The following WNT3 variants were observed in gnomAD, a reference collection of about 807,000 sequenced individuals.
The protein encoded by WNT3 is proto-oncogene Wnt-3.
WNT3 carries 7 observed loss-of-function variants against 34.2 expected under a neutral mutation model. The ratio of observed to expected loss-of-function variants is 0.20; its 90% CI spans 0.12 to 0.38. The LOEUF (loss-of-function observed/expected upper bound fraction) is 0.38, where lower values mean the gene tolerates loss of function less well. Ranked by LOEUF, WNT3 falls within the 10% of genes least tolerant of loss-of-function variation. The pLI, the probability that WNT3 is intolerant of heterozygous loss-of-function variation, is 1.00. For missense variants in WNT3, 267 were observed against 499.8 expected (o/e 0.53, Z 4.44); for synonymous variants, 212 against 211.5 (o/e 1.00, Z -0.02).
chr17:46,778,685 G>A (rs575903432), intron 1 of WNT3, among the ~76,000 whole-genome samples: 6 of 152,332 alleles, frequency 3.9e-5, no homozygotes, highest in African/African-American at 1.2e-4. Flanking sequence ...GTGCCAAAGT[G>A]TGCGTGGCTT....
At chr17:46,800,505 C>T (rs1032420721) in intron 1 of WNT3, among the ~76,000 whole-genome samples, 1 of 129,980 alleles carries the variant, frequency 7.7e-6, no homozygotes, top group Non-Finnish European at 1.8e-5. Context: ...AATCCCTGCC[C>T]TCAGGGGCTG....
intron 1 of WNT3, among the ~76,000 whole-genome samples, chr17:46,795,150 G>T (rs571255604): frequency 6.6e-6 from 1 of 151,976 alleles, no homozygotes; most frequent in Non-Finnish European, 1.5e-5. Context: ...TCCCACCCTC[G>T]GGTGCTGAGG....
At chr17:46,779,053 T>TCACACACACACACACA (rs56965619) in intron 1 of WNT3, among the ~76,000 whole-genome samples, 4,385 of 100,426 alleles carry the variant, frequency 0.044, 217 homozygotes, top group Non-Finnish European at 0.05. Flanking sequence ...CCCTACCCCA[T>TCACACACACACACACA]CACACACACA....
intron 1 of WNT3, among the ~76,000 whole-genome samples, chr17:46,812,551 G>A (rs2084290699): frequency 6.6e-6 from 1 of 152,180 alleles, no homozygotes; most frequent in Admixed American, 6.5e-5. Flanking sequence ...CCCAGCAAGA[G>A]TCTGGCAGAC....
At chr17:46,790,565 C>G (rs1016270029) in intron 1 of WNT3, among the ~76,000 whole-genome samples, 1 of 152,136 alleles carries the variant, frequency 6.6e-6, no homozygotes, top group East Asian at 1.9e-4. Flanking sequence ...CTGCCCTCCC[C>G]CTGGGCCCCA....
chr17:46,817,746 C>T (rs1029802326), intron 1 of WNT3, among the ~76,000 whole-genome samples: 10 of 152,062 alleles, frequency 6.6e-5, no homozygotes, highest in African/African-American at 2.2e-4. Flanking sequence ...CCTCGGTCCT[C>T]GGTTTTCCAA....
intron 1 of WNT3, among the ~76,000 whole-genome samples, chr17:46,782,065 G>A (rs1679188033): frequency 6.6e-6 from 1 of 152,188 alleles, no homozygotes; most frequent in African/African-American, 2.4e-5. Context: ...GTGGACCCAG[G>A]GGCTGCGGCC....
intron 1 of WNT3, among the ~76,000 whole-genome samples, chr17:46,795,333 G>A (rs1014809860): frequency 1.5e-4 from 23 of 152,172 alleles, no homozygotes; most frequent in African/African-American, 5.3e-4. Context: ...CAAGAATAAA[G>A]CCCTAGGCAG....
intron 1 of WNT3, among the ~76,000 whole-genome samples, chr17:46,804,475 G>A (rs1343470268): frequency 1.3e-5 from 2 of 152,062 alleles, no homozygotes; most frequent in Admixed American, 6.5e-5. Context: ...CCTGCCCTAT[G>A]GGGAAGGGAA....
intron 1 of WNT3, among the ~76,000 whole-genome samples, chr17:46,804,799 A>C (rs920718708): frequency 6.6e-6 from 1 of 152,206 alleles, no homozygotes; most frequent in Non-Finnish European, 1.5e-5. Flanking sequence ...GAATGCACCA[A>C]TCAGTGCTCT....
At chr17:46,771,542 G>A (rs2059369873) in intron 2 of WNT3, among the ~76,000 whole-genome samples, 1 of 148,848 alleles carries the variant, frequency 6.7e-6, no homozygotes, top group African/African-American at 2.4e-5. Flanking sequence ...GGCGCTGACA[G>A]CCCCGCTGTG....
chr17:46,767,550 C>A (rs1351015541), intron 4 of WNT3, among the ~76,000 whole-genome samples: 2 of 152,132 alleles, frequency 1.3e-5, no homozygotes, highest in African/African-American at 4.8e-5. Flanking sequence ...ACCACCATCA[C>A]CACTTTATAG....
At chr17:46,788,952 A>G (rs1268146408) in intron 1 of WNT3, among the ~76,000 whole-genome samples, 1 of 152,144 alleles carries the variant, frequency 6.6e-6, no homozygotes, top group Non-Finnish European at 1.5e-5. Context: ...TGAATCTTAG[A>G]AGCAGCCCAG....
rs1271201049 is a variant in WNT3, at chr17:46,769,830, C to G, written c.541G>C (p.Asp181His). The change falls in exon 3 of 5, where the codon GAC becomes CAC. Residue 181 changes from aspartate (D) to histidine (H), a missense_variant. Around this residue, in one of 3 missense-constraint regions of WNT3, gnomAD observed 181 missense variants for 391.3 expected, o/e 0.46. Transcript: ENST00000225512. The part of the protein sequence containing the change: ...EFADARENRP[D>H]ARSAMNKHNN... ...TGCTTGTTCATGGCCGAGCGCGCGT[C>G]CGGCCTGTTCTCGCGCGCATCCGCG... 6.2e-7 allele frequency: 1 copy of G among 1,613,086 alleles called. No homozygotes were observed. The highest frequency in any genetic ancestry group is 8.5e-7 in the Non-Finnish European group (1 of 1,179,890).
chr17:46,780,498 G>A (rs1446804304), intron 1 of WNT3, among the ~76,000 whole-genome samples: 1 of 152,240 alleles, frequency 6.6e-6, no homozygotes, highest in Non-Finnish European at 1.5e-5. Context: ...AATTGAAAAT[G>A]GGGACTCTGC....
intron 1 of WNT3, among the ~76,000 whole-genome samples, chr17:46,779,965 G>A (rs1180037649): frequency 2.0e-5 from 3 of 152,134 alleles, no homozygotes; most frequent in Non-Finnish European, 4.4e-5. Context: ...CGCAATATTG[G>A]CCAGGCTGGT....
chr17:46,776,208 C>T (rs60458827), intron 1 of WNT3, among the ~76,000 whole-genome samples: 7,228 of 152,248 alleles, frequency 0.047, 567 homozygotes, highest in African/African-American at 0.16. Context: ...CCTGGGTCTT[C>T]ATGGGGTGAA....
At position 46,768,828 on chromosome 17, in the gene WNT3, C is replaced by T. The variant is rs776454464; in HGVS notation, c.589-29G>A. ...GGGGAGAGAAGTGGCAGCTGGCCAACAGACCGACCCCACGAGGGGGCACAT... is the reference window on the plus strand; with the variant it reads ...GGGGAGAGAAGTGGCAGCTGGCCAATAGACCGACCCCACGAGGGGGCACAT... On this transcript the variant is annotated intron_variant, in intron 3 of 4. Transcript: ENST00000225512. This position sits in a 1 kb window ranked among gnomAD's most constrained non-coding sequence, Gnocchi z 5.0. 1.6e-5 allele frequency: 26 copies of T among 1,608,052 alleles called. No individual in the cohort carries two copies. In the Middle Eastern group the frequency reaches 5.4e-4, roughly 34 times the overall value.
Position 46,818,603 on chromosome 17 carries a change from G to A in WNT3, c.-6C>T. On this transcript the variant is annotated 5_prime_UTR_variant, in exon 1 of 5. Transcript: ENST00000225512. ...CCGAGCAGGTGGGGCTCCATTAGAA[G>A]AGGCGCCGAGGAGGAAGTTTGCCCG... 1 of 1,591,168 alleles carries A rather than the reference G, an allele frequency of 6.3e-7. No homozygotes were observed. Among genetic ancestry groups the A allele is most frequent in the Non-Finnish European group, 8.6e-7 (1 of 1,169,058 alleles).
Sources: allele counts gnomAD v4.1 joint callset (sites outside exome capture counted in the v4.1 genomes callset), GRCh38; gene constraint gnomAD v4.1.1; regional missense constraint gnomAD v4.1.1; non-coding constraint Gnocchi (gnomAD v3.1); transcripts MANE v1.5; gene names NCBI Gene and HGNC (gene_info 2026-07-23, HGNC 2026-07-21).